The following CHSY3 variants were observed in gnomAD, a reference collection of about 807,000 sequenced individuals.
CHSY3 encodes the protein N-acetylgalactosaminyl-proteoglycan 3-beta-glucuronosyltransferase 3.
In CHSY3, 35 loss-of-function variants were observed where a neutral mutation model predicts 67.2. The ratio of observed to expected loss-of-function variants is 0.52; its 90% CI spans 0.40 to 0.69. The LOEUF (loss-of-function observed/expected upper bound fraction) is 0.69. Among genes scored for constraint, CHSY3 ranks in the 30% least tolerant of loss-of-function variants. CHSY3 has a pLI of 0.00. For synonymous variants in CHSY3, 474 were observed against 434.7 expected, an observed-to-expected ratio of 1.09 and a Z score of -1.12; for missense variants, 1,069 against 1,138.5, an observed-to-expected ratio of 0.94 and a Z score of 0.88.
intron 2 of CHSY3, among the ~76,000 whole-genome samples, chr5:130,155,687 T>C (rs1769359430): frequency 6.6e-6 from 1 of 152,208 alleles, no homozygotes; most frequent in Non-Finnish European, 1.5e-5. Flanking sequence ...AGGCATTATG[T>C]TCTTTATATC....
At chr5:130,158,442 G>A (rs752474445) in intron 2 of CHSY3, among the ~76,000 whole-genome samples, 2 of 152,148 alleles carry the variant, frequency 1.3e-5, no homozygotes, top group Non-Finnish European at 2.9e-5. Flanking sequence ...TATACCCTAC[G>A]TTAAGTTTCC....
At chr5:130,162,191 G>A (rs1277401975) in intron 2 of CHSY3, among the ~76,000 whole-genome samples, 5 of 151,928 alleles carry the variant, frequency 3.3e-5, no homozygotes, top group Non-Finnish European at 5.9e-5. Flanking sequence ...GTCATTCCTC[G>A]ATTTGTTGGA....
At position 130,107,384 on chromosome 5, in the gene CHSY3, C is replaced by T. The variant is rs146371282; in HGVS notation, c.1087-76845C>T. ...CAAAAGAGTAGTATATATTTAACAACGAAGGTGACTTGCTCTGAGTCTCTT... is the reference window on the plus strand; with the variant it reads ...CAAAAGAGTAGTATATATTTAACAATGAAGGTGACTTGCTCTGAGTCTCTT... On this transcript the variant is annotated intron_variant, in intron 2 of 2. Transcript: ENST00000305031. Among the ~76,000 whole-genome samples, 683 of 151,244 alleles carry T rather than the reference C, an allele frequency of 4.5e-3. 2 individuals carry two copies. Among genetic ancestry groups the T allele is most frequent in the African/African-American group, 0.014 (569 of 41,400 alleles).
intron 2 of CHSY3, among the ~76,000 whole-genome samples, chr5:130,092,003 C>CA (rs1766896144): frequency 6.6e-6 from 1 of 152,104 alleles, no homozygotes. Context: ...TGTTCTCAGT[C>CA]AGAGAGCATT....
chr5:130,173,872 G>A (rs150196799), intron 2 of CHSY3, among the ~76,000 whole-genome samples: 16 of 151,406 alleles, frequency 1.1e-4, no homozygotes, highest in Non-Finnish European at 1.8e-4. Context: ...AGAGAAGTAG[G>A]GCACATTTTA....
rs200028610 is a variant in CHSY3 at position 130,044,983 on chromosome 5, T to TTTTTG, written c.1086+136639_1086+136643dup. 5.5e-4 allele frequency among the ~76,000 whole-genome samples: 84 copies of TTTTTG among 152,196 alleles called. No homozygotes were observed. In the East Asian group the frequency reaches 0.014, roughly 25 times the overall value. On this transcript the variant is annotated intron_variant, in intron 2 of 2. Transcript: ENST00000305031. ...CTTGGATGGCATAAGTAGTTTTTTG[T>TTTTTG]TTTTGTTTTGTTTTGTTTTGCTTTG...
intron 2 of CHSY3, among the ~76,000 whole-genome samples, chr5:130,103,702 C>T (rs767628725): frequency 3.9e-5 from 6 of 151,924 alleles, no homozygotes; most frequent in Non-Finnish European, 8.8e-5. Flanking sequence ...AGCACATAAA[C>T]GTTTTACTAC....
rs143977103 is a variant in CHSY3 at position 129,959,931 on chromosome 5, G to A, written c.1086+51571G>A. ...CATTGCCATGAAGTTAAGTGGTGTT[G>A]AGTGTTTAAGCATATTTGATACTGA... On this transcript the variant is annotated intron_variant, in intron 2 of 2. Coordinates refer to ENST00000305031, the MANE Select transcript of CHSY3 (RefSeq NM_175856.5). Among the ~76,000 whole-genome samples, 3 of 152,162 alleles carry A rather than the reference G, an allele frequency of 2.0e-5. No homozygotes were observed. In the East Asian group the frequency reaches 5.8e-4, roughly 29 times the overall value.
intron 2 of CHSY3, among the ~76,000 whole-genome samples, chr5:130,098,410 G>A (rs373408461): frequency 2.9e-4 from 44 of 152,298 alleles, no homozygotes; most frequent in South Asian, 8.3e-4. Context: ...GGGAGCTGGT[G>A]CACTTGGTTT....
chr5:130,071,522 CATT>C (rs1766065008), intron 2 of CHSY3, among the ~76,000 whole-genome samples: 1 of 146,950 alleles, frequency 6.8e-6, no homozygotes, highest in Non-Finnish European at 1.5e-5. Flanking sequence ...AAAAAGATGA[CATT>C]ATAGTAGTTC....
intron 2 of CHSY3, among the ~76,000 whole-genome samples, chr5:129,937,022 T>C (rs981484361): frequency 1.3e-5 from 2 of 152,174 alleles, no homozygotes; most frequent in African/African-American, 2.4e-5. Flanking sequence ...CATTTGGAGT[T>C]CTCTCTCTTT....
chr5:130,162,054 A>AG lies in CHSY3; in HGVS notation c.1087-22175_1087-22174insG, dbSNP rs1206475634. On this transcript the variant is annotated intron_variant, in intron 2 of 2. Coordinates refer to ENST00000305031, the MANE Select transcript of CHSY3 (RefSeq NM_175856.5). ...AGACCCTGTCTCAAAAAAAAAAAAA[A>AG]AAAAAAGAAAGAAAGAAAGAAAAAG... Among the ~76,000 whole-genome samples the AG allele has an allele frequency of 2.1e-3, 288 of 136,898 alleles. 4 individuals are homozygous for AG. In the South Asian group the frequency reaches 0.034, roughly 16 times the overall value. 89.8% of individuals were successfully genotyped at this position (136,898 alleles called of 152,430 possible). A position where few individuals can be genotyped will look rare whatever the true frequency, so the allele number is the denominator to read the frequency against.
chr5:130,185,270 A>G lies in CHSY3; in HGVS notation c.2128A>G (p.Asn710Asp). ...TGAAATGGCTTCTGCCCAGTTTGACAATGACACTTTGCTGCTATTTTGTGA... is the reference window on the plus strand; with the variant it reads ...TGAAATGGCTTCTGCCCAGTTTGACGATGACACTTTGCTGCTATTTTGTGA... ...GLEMASAQFD[N>D]DTLLLFCDVD... The change falls in exon 3 of 3, where the codon AAT (asparagine) becomes GAT (aspartate). Residue 710 changes from asparagine to aspartate, a missense_variant. Asn to Asp is a conservative substitution (Grantham distance 23, BLOSUM62 1). Coordinates refer to ENST00000305031, the MANE Select transcript of CHSY3 (RefSeq NM_175856.5). The G allele has an allele frequency of 6.2e-7, 1 of 1,609,854 alleles. No individual in the cohort carries two copies. The highest frequency in any genetic ancestry group is 8.5e-7 in the Non-Finnish European group (1 of 1,176,150).
At chr5:130,066,666 C>T (rs780993776) in intron 2 of CHSY3, among the ~76,000 whole-genome samples, 1 of 152,128 alleles carries the variant, frequency 6.6e-6, no homozygotes, top group African/African-American at 2.4e-5. Context: ...TTATTCATAA[C>T]TTGCATAGCA....
At chr5:130,163,431 A>G (rs76178982) in intron 2 of CHSY3, among the ~76,000 whole-genome samples, 1,996 of 152,260 alleles carry the variant, frequency 0.013, 46 homozygotes, top group African/African-American at 0.046. Context: ...CACAAATGAC[A>G]TATGCCAGAC....
At chr5:130,038,932 C>A (rs550647154) in intron 2 of CHSY3, among the ~76,000 whole-genome samples, 2 of 151,944 alleles carry the variant, frequency 1.3e-5, no homozygotes, top group African/African-American at 4.8e-5. Context: ...CATTTCCTTG[C>A]AATTATTAGA....
intron 2 of CHSY3, among the ~76,000 whole-genome samples, chr5:130,127,823 G>A (rs992879869): frequency 6.6e-6 from 1 of 152,128 alleles, no homozygotes; most frequent in Admixed American, 6.6e-5. Context: ...TTATTTTAGA[G>A]TGTGGGATGC....
chr5:130,143,319 T>A (rs1189235849), intron 2 of CHSY3, among the ~76,000 whole-genome samples: 1 of 152,068 alleles, frequency 6.6e-6, no homozygotes, highest in Non-Finnish European at 1.5e-5. Context: ...TTGAATTTAC[T>A]AGGAAAAAGA....
chr5:129,912,009 T>A (rs1434927875), intron 2 of CHSY3, among the ~76,000 whole-genome samples: 11 of 152,250 alleles, frequency 7.2e-5, no homozygotes, highest in African/African-American at 2.6e-4. Flanking sequence ...TGAGCCGAGA[T>A]AGCCCACTGC....
Sources: allele counts gnomAD v4.1 joint callset (sites outside exome capture counted in the v4.1 genomes callset), GRCh38; gene constraint gnomAD v4.1.1; transcripts MANE v1.5; gene names NCBI Gene and HGNC (gene_info 2026-07-23, HGNC 2026-07-21).